The following CCDC7 variants were observed in gnomAD, a reference collection of about 807,000 sequenced individuals.
The protein encoded by CCDC7 is coiled-coil domain-containing protein 7.
A neutral mutation model predicts 196.9 loss-of-function variants in CCDC7; 183 were observed. The ratio of observed to expected loss-of-function variants is 0.93; its 90% CI spans 0.82 to 1.05. The LOEUF (loss-of-function observed/expected upper bound fraction) is 1.05. CCDC7 is among the 50% of genes least tolerant of loss of function. CCDC7 has a pLI of 0.00. For synonymous variants in CCDC7, 525 were observed against 484.6 expected (o/e 1.08, Z -1.10); for missense variants, 1,540 against 1,482.2 (o/e 1.04, Z -0.64).
chr10:32,452,022 G>T, intron 1 of CCDC7, 101 bp downstream of exon 2: 1 of 1,403,324 alleles, frequency 7.1e-7, no homozygotes, highest in Non-Finnish European at 9.4e-7. Flanking sequence ...TAGTCATACC[G>T]ATGGCTAAGA....
Position 32,818,429 on chromosome 10 carries a change from C to A in CCDC7, c.3181+3976C>A, listed in dbSNP as rs919702607. Among the ~76,000 whole-genome samples, 89 of 152,188 alleles carry A rather than the reference C, an allele frequency of 5.8e-4. No individual in the cohort carries two copies. In the Middle Eastern group the frequency reaches 0.014, roughly 23 times the overall value. On this transcript the variant is annotated intron_variant, in intron 31 of 41. Transcript: ENST00000639629. ...CCACTGTCAACATTAGACAGATCAA[C>A]GAGACAGAAAGTTAACAAGGATATC...
intron 18 of CCDC7, chr10:32,623,881 T>C (rs1452212654): frequency 9.3e-6 from 4 of 427,942 alleles, no homozygotes; most frequent in Non-Finnish European, 1.9e-5. Flanking sequence ...AGATTTCGCC[T>C]GAACTGAGTG....
chr10:32,713,968 C>T (rs2081219158), intron 25 of CCDC7, among the ~76,000 whole-genome samples: 1 of 152,192 alleles, frequency 6.6e-6, no homozygotes, highest in African/African-American at 2.4e-5. Flanking sequence ...ACAATCTTAT[C>T]ATCTGTTCTT....
chr10:32,874,398 A>T (rs2094531455), intron 41 of CCDC7, among the ~76,000 whole-genome samples: 1 of 151,466 alleles, frequency 6.6e-6, no homozygotes, highest in African/African-American at 2.4e-5. Flanking sequence ...TGTGTGCATT[A>T]TACCCAATAG....
In CCDC7 at chr10:32,619,800, T is replaced by G. The variant is rs576736318; in HGVS notation, c.1802-14454T>G. 2.6e-5 allele frequency among the ~76,000 whole-genome samples: 4 copies of G among 151,954 alleles called. No homozygotes were observed. The South Asian group carries it at 6.2e-4, about 24-fold the overall frequency. ...TTTTTGTTGAGACAAGGTCTTGCTATGTTGCCCAGCCTGGTCTCAAACTCT... is the reference window on the plus strand; with the variant it reads ...TTTTTGTTGAGACAAGGTCTTGCTAGGTTGCCCAGCCTGGTCTCAAACTCT... On this transcript the variant is annotated intron_variant, in intron 18 of 41. Transcript: ENST00000639629.
chr10:32,537,331 C>T (rs1165044322), intron 11 of CCDC7, among the ~76,000 whole-genome samples: 6 of 152,072 alleles, frequency 3.9e-5, no homozygotes, highest in African/African-American at 9.6e-5. Flanking sequence ...GTCCTTTGTC[C>T]CCTTTTTAAT....
At chr10:32,837,251 A>G (rs2092676707) in intron 33 of CCDC7, among the ~76,000 whole-genome samples, 1 of 152,340 alleles carries the variant, frequency 6.6e-6, no homozygotes, top group South Asian at 2.1e-4. Flanking sequence ...AGCCCCATCG[A>G]AAAGTGGGCG....
At chr10:32,641,970 A>AT (rs2066886475) in intron 20 of CCDC7, among the ~76,000 whole-genome samples, 1 of 152,122 alleles carries the variant, frequency 6.6e-6, no homozygotes, top group Non-Finnish European at 1.5e-5. Flanking sequence ...AACAGCTGGT[A>AT]TTGGTGAACA....
At chr10:32,877,990 A>G (rs535371825), downstream of CCDC7, among the ~76,000 whole-genome samples, 1 of 151,984 alleles carries the variant, frequency 6.6e-6, no homozygotes, top group Non-Finnish European at 1.5e-5. Context: ...CTACTGGCAG[A>G]GGAGACCCAG....
intron 18 of CCDC7, among the ~76,000 whole-genome samples, chr10:32,601,570 G>A (rs1284439388): frequency 6.6e-6 from 1 of 152,174 alleles, no homozygotes; most frequent in African/African-American, 2.4e-5. Flanking sequence ...CCTGGGTCGA[G>A]TGGGGACTTG....
At chr10:32,643,071 TTTAA>T (rs1209052453) in intron 20 of CCDC7, among the ~76,000 whole-genome samples, 1 of 152,228 alleles carries the variant, frequency 6.6e-6, no homozygotes, top group African/African-American at 2.4e-5. Context: ...TTTGATTTCC[TTTAA>T]TTTTTTGTTA....
intron 15 of CCDC7, among the ~76,000 whole-genome samples, chr10:32,568,956 T>A (rs968435225): frequency 3.9e-5 from 6 of 152,258 alleles, no homozygotes; most frequent in Non-Finnish European, 7.3e-5. Flanking sequence ...TTAAAAGCTT[T>A]ATTGTTTTCT....
chr10:32,511,775 C>A (rs1044510130), intron 9 of CCDC7: 25 of 1,460,190 alleles, frequency 1.7e-5, no homozygotes, highest in South Asian at 1.0e-4. Context: ...TCCAGCCTCC[C>A]GGAAAGCGGT....
At chr10:32,717,407 TA>T (rs1215393474) in intron 25 of CCDC7, among the ~76,000 whole-genome samples, 2 of 152,116 alleles carry the variant, frequency 1.3e-5, no homozygotes, top group African/African-American at 4.8e-5. Flanking sequence ...TTTATAGCAC[TA>T]AATGCCCACA....
At chr10:32,636,872 A>G (rs1367909798) in intron 20 of CCDC7, among the ~76,000 whole-genome samples, 2 of 152,144 alleles carry the variant, frequency 1.3e-5, no homozygotes, top group East Asian at 1.9e-4. Context: ...CTATTTCTCC[A>G]CATCCTCTCC....
intron 18 of CCDC7, among the ~76,000 whole-genome samples, chr10:32,619,645 GAT>G (rs2063161923): frequency 6.6e-6 from 1 of 152,090 alleles, no homozygotes; most frequent in Non-Finnish European, 1.5e-5. Context: ...AAAATAGACA[GAT>G]AAATGAACAA....
chr10:32,664,013 A>G (rs1591310194), intron 20 of CCDC7, 41 bp from the exon 22 acceptor site: 1 of 393,080 alleles, frequency 2.5e-6, no homozygotes, highest in East Asian at 3.6e-5. Context: ...AAATTTCACT[A>G]TAGTTTATGT....
chr10:32,740,287 A>G (rs1012854439), intron 28 of CCDC7, among the ~76,000 whole-genome samples: 16 of 152,184 alleles, frequency 1.1e-4, no homozygotes, highest in African/African-American at 3.4e-4. Context: ...AAGAACAGAA[A>G]GGTCTGAATG....
intron 9 of CCDC7, chr10:32,511,374 A>G (rs2046175748): frequency 6.2e-7 from 1 of 1,607,882 alleles, no homozygotes; most frequent in Admixed American, 1.7e-5. Flanking sequence ...TTTGGTTCCC[A>G]GAGGGCATTT....
Sources: allele counts gnomAD v4.1 joint callset (sites outside exome capture counted in the v4.1 genomes callset), GRCh38; gene constraint gnomAD v4.1.1; transcripts MANE v1.5; gene names NCBI Gene and HGNC (gene_info 2026-07-23, HGNC 2026-07-21).